Variants in GLIS3 observed in about 807,000 individuals in gnomAD.
GLIS3 encodes the protein GLIS family zinc finger 3.
GLIS3 carries 53 observed loss-of-function variants against 78.6 expected under a neutral mutation model. That is an observed-to-expected ratio of 0.67 (90% CI 0.54 to 0.85). The LOEUF is 0.85. Among genes scored for constraint, GLIS3 ranks in the 40% least tolerant of loss-of-function variants. The pLI is 0.00. For missense variants in GLIS3, 1,703 were observed against 1,231.1 expected, an observed-to-expected ratio of 1.38 and a Z score of -5.74; for synonymous variants, 684 against 509.9, an observed-to-expected ratio of 1.34 and a Z score of -4.60.
At chr9:3,942,180 T>C (rs1815975183) in intron 4 of GLIS3, among the ~76,000 whole-genome samples, 1 of 152,202 alleles carries the variant, frequency 6.6e-6, no homozygotes, top group Non-Finnish European at 1.5e-5. Context: ...CCATTGCTGA[T>C]GTCAACTAAA....
At chr9:4,409,796 G>A in the GLIS3 span, among the ~76,000 whole-genome samples, 4 of 152,146 alleles carry the variant, frequency 2.6e-5, no homozygotes, top group African/African-American at 9.7e-5. Flanking sequence ...AAGAAAAAAT[G>A]TATTGGTCAC....
chr9:4,459,348 T>C, the GLIS3 span, among the ~76,000 whole-genome samples: 1 of 152,204 alleles, frequency 6.6e-6, no homozygotes, highest in African/African-American at 2.4e-5. Context: ...GACTCAGCCC[T>C]GGGGCTATCC....
chr9:4,238,534 G>A (rs191845605), intron 2 of GLIS3, among the ~76,000 whole-genome samples: 16 of 152,260 alleles, frequency 1.1e-4, no homozygotes, highest in African/African-American at 3.4e-4. Flanking sequence ...TAAAACCACC[G>A]TGGCTACCTG....
At chr9:4,451,460 G>C in the GLIS3 span, among the ~76,000 whole-genome samples, 6 of 152,234 alleles carry the variant, frequency 3.9e-5, no homozygotes, top group East Asian at 1.9e-4. Flanking sequence ...GGTTAACAAG[G>C]ATATCCAGGA....
At chr9:4,462,164 C>T in the GLIS3 span, among the ~76,000 whole-genome samples, 1 of 152,146 alleles carries the variant, frequency 6.6e-6, no homozygotes, top group Non-Finnish European at 1.5e-5. Flanking sequence ...CCCAGGGCTG[C>T]AGGAGTCTTG....
intron 2 of GLIS3, among the ~76,000 whole-genome samples, chr9:4,330,441 T>C (rs1317889387): frequency 6.6e-6 from 1 of 152,208 alleles, no homozygotes; most frequent in Non-Finnish European, 1.5e-5. Context: ...ACTGGTGTAG[T>C]GTTTAGGCTT....
chr9:4,457,949 C>T, the GLIS3 span, among the ~76,000 whole-genome samples: 1 of 152,012 alleles, frequency 6.6e-6, no homozygotes, highest in South Asian at 2.1e-4. Context: ...ATGTAGATGA[C>T]CTTTGTGTAC....
intron 2 of GLIS3, among the ~76,000 whole-genome samples, chr9:4,227,133 C>T (rs1370265765): frequency 6.6e-6 from 1 of 152,108 alleles, no homozygotes; most frequent in African/African-American, 2.4e-5. Context: ...GAAGGAGGCA[C>T]TGGAGCCTCA....
chr9:4,071,078 T>A (rs1827564999), intron 4 of GLIS3: 1 of 152,220 alleles, frequency 6.6e-6, no homozygotes. Flanking sequence ...GATCTTTCAG[T>A]TTGAACTAAT....
At chr9:4,195,410 C>T (rs567912539) in intron 2 of GLIS3, among the ~76,000 whole-genome samples, 183 of 152,320 alleles carry the variant, frequency 1.2e-3, no homozygotes, top group Middle Eastern at 6.8e-3. Flanking sequence ...CCGGTGCCAC[C>T]GGCCCCAGAC....
intron 2 of GLIS3, among the ~76,000 whole-genome samples, chr9:4,174,854 GAC>G (rs1200238671): frequency 6.6e-6 from 1 of 152,186 alleles, no homozygotes; most frequent in Non-Finnish European, 1.5e-5. Flanking sequence ...ATTGGCATCT[GAC>G]CTGGTTTAAT....
At chr9:4,437,969 G>A in the GLIS3 span, among the ~76,000 whole-genome samples, 2 of 152,166 alleles carry the variant, frequency 1.3e-5, no homozygotes, top group Non-Finnish European at 2.9e-5. Context: ...CTGTTCAACA[G>A]TGGGCTATTC....
chr9:4,212,345 C>T (rs1285413772), intron 2 of GLIS3, among the ~76,000 whole-genome samples: 1 of 152,186 alleles, frequency 6.6e-6, no homozygotes, highest in Non-Finnish European at 1.5e-5. Flanking sequence ...CACATCTTAA[C>T]AATGGATCAA....
chr9:4,179,171 G>A (rs1305115604), intron 2 of GLIS3, among the ~76,000 whole-genome samples: 1 of 152,178 alleles, frequency 6.6e-6, no homozygotes, highest in Non-Finnish European at 1.5e-5. Context: ...CAAATGTTCA[G>A]TAGGAAAGAC....
chr9:4,069,337 A>G (rs1827389884), intron 4 of GLIS3, among the ~76,000 whole-genome samples: 1 of 152,202 alleles, frequency 6.6e-6, no homozygotes, highest in African/African-American at 2.4e-5. Context: ...GAGCTATTGG[A>G]TCGGCTTCTC....
chr9:3,959,079 C>A (rs568876234), intron 4 of GLIS3, among the ~76,000 whole-genome samples: 80 of 152,322 alleles, frequency 5.3e-4, no homozygotes, highest in Admixed American at 1.1e-3. Context: ...TGTATCCCTG[C>A]AAAATGCTTA....
intron 4 of GLIS3, among the ~76,000 whole-genome samples, chr9:4,019,713 G>C (rs778831598): frequency 1.5e-4 from 23 of 152,084 alleles, no homozygotes; most frequent in Non-Finnish European, 2.6e-4. Flanking sequence ...GAAGATGCCA[G>C]CTGCAATTTT....
chr9:4,266,480 C>A (rs1055258330), intron 2 of GLIS3, among the ~76,000 whole-genome samples: 24 of 152,218 alleles, frequency 1.6e-4, no homozygotes, highest in African/African-American at 5.8e-4. Flanking sequence ...TCTTTCTTCT[C>A]CTATAATTAG....
chr9:4,040,755 G>A (rs139507432), intron 4 of GLIS3, among the ~76,000 whole-genome samples: 232 of 152,310 alleles, frequency 1.5e-3, no homozygotes, highest in Non-Finnish European at 2.5e-3. Flanking sequence ...GTGATGGAAT[G>A]AGGTGTTCAG....
Sources: allele counts gnomAD v4.1 joint callset (sites outside exome capture counted in the v4.1 genomes callset), GRCh38; gene constraint gnomAD v4.1.1; transcripts MANE v1.5; gene names NCBI Gene and HGNC (gene_info 2026-07-23, HGNC 2026-07-21).